VDAC1: variants seen among roughly 807,000 people sequenced by gnomAD.
VDAC1 encodes the protein non-selective voltage-gated ion channel VDAC1.
In VDAC1, 10 loss-of-function variants were observed where a neutral mutation model predicts 34.7. The observed-to-expected ratio is 0.29, with a 90% CI of 0.18 to 0.49. The LOEUF (loss-of-function observed/expected upper bound fraction) is 0.49, where lower values mean the gene tolerates loss of function less well. VDAC1 is among the 20% of genes least tolerant of loss of function. The probability of loss-of-function intolerance (pLI) is 0.99; values close to 1 mark genes in which losing one functional copy is unlikely to be tolerated. For synonymous variants in VDAC1, 130 were observed against 136.0 expected (o/e 0.96, Z 0.30); for missense variants, 230 against 347.9 (o/e 0.66, Z 2.69).
the VDAC1 span, among the ~76,000 whole-genome samples, chr5:134,024,848 C>A: frequency 7.2e-5 from 11 of 152,316 alleles, no homozygotes; most frequent in South Asian, 1.5e-3. Flanking sequence ...AATTATTCTG[C>A]TGGAGAGAGA....
At chr5:134,104,250 C>T in the VDAC1 span, among the ~76,000 whole-genome samples, 1 of 152,234 alleles carries the variant, frequency 6.6e-6, no homozygotes, top group African/African-American at 2.4e-5. Flanking sequence ...TCATCTGTCT[C>T]TGCCATGTAC....
chr5:134,038,705 C>T, the VDAC1 span, among the ~76,000 whole-genome samples: 1 of 152,192 alleles, frequency 6.6e-6, no homozygotes, highest in Non-Finnish European at 1.5e-5. Context: ...CAAGTGAATC[C>T]TTTTACCCTT....
In VDAC1 at chr5:133,998,086, A is replaced by AAT. The variant is rs947051572; in HGVS notation, c.-6-5069_-6-5068insAT. Among the ~76,000 whole-genome samples, 30 of 151,714 alleles carry AAT rather than the reference A, an allele frequency of 2.0e-4. 1 individual carries two copies. The highest frequency in any genetic ancestry group is 7.0e-4 in the African/African-American group (29 of 41,412). ...CCGTCTCGAAACAAAAAAAAAAAAA[A>AAT]GAAAGAAAGCTAGCTAGCTATGATA... On this transcript the variant is annotated intron_variant, in intron 1 of 8. Transcript: ENST00000265333.
chr5:134,083,189 TC>T, the VDAC1 span, among the ~76,000 whole-genome samples: 2 of 149,040 alleles, frequency 1.3e-5, no homozygotes, highest in African/African-American at 5.0e-5. Flanking sequence ...TCTTTTTTTT[TC>T]TTTTTTTTTT....
chr5:134,069,966 CCT>C, the VDAC1 span, among the ~76,000 whole-genome samples: 1 of 152,062 alleles, frequency 6.6e-6, no homozygotes, highest in Admixed American at 6.6e-5. Context: ...TCACCAGCAC[CCT>C]GACAGTTTAC....
At chr5:134,000,017 G>C (rs1351739458) in intron 1 of VDAC1, among the ~76,000 whole-genome samples, 2 of 152,070 alleles carry the variant, frequency 1.3e-5, no homozygotes, top group Non-Finnish European at 2.9e-5. Flanking sequence ...TAGCCCTGAG[G>C]ACCAGGAAAA....
the VDAC1 span, among the ~76,000 whole-genome samples, chr5:134,078,384 G>C: frequency 6.6e-6 from 1 of 152,192 alleles, no homozygotes; most frequent in Admixed American, 6.5e-5. Context: ...TCCAGGGGCA[G>C]GCAGCAGCTG....
At chr5:133,992,879 C>T (rs75306215) in intron 2 of VDAC1, 67 bp downstream of exon 2, 84 of 1,497,968 alleles carry the variant, frequency 5.6e-5, no homozygotes, top group Non-Finnish European at 7.4e-5. Flanking sequence ...AAACAGTTAT[C>T]GGTAAAGTCT....
At chr5:134,057,103 C>T in the VDAC1 span, among the ~76,000 whole-genome samples, 1 of 152,034 alleles carries the variant, frequency 6.6e-6, no homozygotes, top group Non-Finnish European at 1.5e-5. Flanking sequence ...AGGAGGCCGA[C>T]GCAGGTGGAT....
At chr5:133,974,561 A>G (rs1752406897) in intron 7 of VDAC1, among the ~76,000 whole-genome samples, 1 of 152,222 alleles carries the variant, frequency 6.6e-6, no homozygotes, top group South Asian at 2.1e-4. Context: ...GAGGCTTAAC[A>G]GTAAGCCAGT....
the VDAC1 span, among the ~76,000 whole-genome samples, chr5:134,053,960 A>G: frequency 6.6e-6 from 1 of 152,220 alleles, no homozygotes; most frequent in African/African-American, 2.4e-5. Flanking sequence ...AGGCCAGAGG[A>G]GGGAACAATC....
chr5:134,031,780 A>G, the VDAC1 span, among the ~76,000 whole-genome samples: 28,939 of 151,654 alleles, frequency 0.19, 3,091 homozygotes, highest in East Asian at 0.44. Flanking sequence ...GCGAAACCCC[A>G]TCTCTACTAA....
the VDAC1 span, among the ~76,000 whole-genome samples, chr5:134,073,963 G>T: frequency 6.6e-6 from 1 of 152,154 alleles, no homozygotes; most frequent in Non-Finnish European, 1.5e-5. Flanking sequence ...CTTTAAAAAT[G>T]TTATGTTTTT....
the VDAC1 span, among the ~76,000 whole-genome samples, chr5:134,073,198 G>A: frequency 5.3e-5 from 8 of 152,300 alleles, no homozygotes; most frequent in South Asian, 1.2e-3. Context: ...TCTTAGTAGA[G>A]GGAGGGGCCC....
chr5:134,044,306 TCCCATCATATGC>T, the VDAC1 span, among the ~76,000 whole-genome samples: 1 of 152,118 alleles, frequency 6.6e-6, no homozygotes, highest in Non-Finnish European at 1.5e-5. Context: ...TAGCTCCAGC[TCCCATCATATGC>T]AGGTGTCTGC....
At chr5:134,096,142 C>A in the VDAC1 span, among the ~76,000 whole-genome samples, 2 of 152,260 alleles carry the variant, frequency 1.3e-5, no homozygotes, top group Non-Finnish European at 2.9e-5. Context: ...TTCCCCAGGG[C>A]CCGGGATTGT....
intron 5 of VDAC1, among the ~76,000 whole-genome samples, chr5:133,984,636 C>T (rs371929123): frequency 3.9e-5 from 6 of 152,272 alleles, no homozygotes; most frequent in Admixed American, 1.3e-4. Context: ...TAGACAATCC[C>T]ATAAAAGAAA....
the VDAC1 span, among the ~76,000 whole-genome samples, chr5:134,113,786 A>G: frequency 6.6e-6 from 1 of 152,234 alleles, no homozygotes; most frequent in Non-Finnish European, 1.5e-5. Flanking sequence ...TTCAGCCTGG[A>G]TCGAGCGAGG....
chr5:134,033,581 C>A, the VDAC1 span, among the ~76,000 whole-genome samples: 1 of 151,540 alleles, frequency 6.6e-6, no homozygotes, highest in Admixed American at 6.6e-5. Flanking sequence ...TTTTGTATTT[C>A]CGGGTCTTAA....
Sources: gnomAD v4.1 joint callset for allele counts (sites outside exome capture counted in the v4.1 genomes callset) on GRCh38, gnomAD v4.1.1 for gene constraint, MANE v1.5 for transcripts, NCBI Gene and HGNC (gene_info 2026-07-23, HGNC 2026-07-21) for gene names.